SUMF1: variants seen among roughly 807,000 people sequenced by gnomAD.
The protein encoded by SUMF1 is formylglycine-generating enzyme.
Under a neutral mutation model 47.6 loss-of-function variants are expected in SUMF1, and 48 were observed. The ratio of observed to expected loss-of-function variants is 1.01; its 90% CI spans 0.80 to 1.28. SUMF1 has a LOEUF of 1.28. Among genes scored for constraint, SUMF1 ranks in the 50% most tolerant of loss-of-function variants. The pLI is 0.00. For synonymous variants in SUMF1, 230 were observed against 192.1 expected, an observed-to-expected ratio of 1.20 and a Z score of -1.63; for missense variants, 571 against 485.4, an observed-to-expected ratio of 1.18 and a Z score of -1.66.
intron 3 of SUMF1, among the ~76,000 whole-genome samples, chr3:4,434,485 A>G (rs1702334658): frequency 6.6e-6 from 1 of 152,250 alleles, no homozygotes; most frequent in African/African-American, 2.4e-5. Flanking sequence ...GCAACAGTAA[A>G]GGAAATTTAA....
intron 8 of SUMF1, among the ~76,000 whole-genome samples, chr3:4,366,544 C>T (rs551886299): frequency 4.5e-4 from 67 of 149,846 alleles, no homozygotes; most frequent in South Asian, 3.7e-3. Context: ...ACGTAGTTCT[C>T]GAGCCTTGGC....
In SUMF1 at chr3:4,302,521, G is replaced by A. The variant is rs184145366; in HGVS notation, c.1014+73809C>T. Among the ~76,000 whole-genome samples, 87 of 152,268 alleles carry A rather than the reference G, an allele frequency of 5.7e-4. 1 individual carries two copies. The highest frequency in any genetic ancestry group is 1.5e-3 in the African/African-American group (63 of 41,544). On this transcript the variant is annotated intron_variant and NMD_transcript_variant, in intron 8 of 12. Coordinates refer to the SUMF1 transcript ENST00000448413. Reference sequence around the variant, plus strand: ...ATGTTTCTTATCAGACTTAAGGTGTGTGTTGATGTTGATGCTGGCTGGCTT... The same window carrying A: ...ATGTTTCTTATCAGACTTAAGGTGTATGTTGATGTTGATGCTGGCTGGCTT...
intron 8 of SUMF1, among the ~76,000 whole-genome samples, chr3:4,351,987 G>T (rs536750526): frequency 6.6e-6 from 1 of 152,126 alleles, no homozygotes; most frequent in Non-Finnish European, 1.5e-5. Flanking sequence ...TAAGTGGTAG[G>T]AGAAGAATTT....
intron 7 of SUMF1, among the ~76,000 whole-genome samples, chr3:4,403,842 G>A (rs1359977008): frequency 1.3e-5 from 2 of 152,204 alleles, no homozygotes; most frequent in East Asian, 3.9e-4. Flanking sequence ...AGAGGTTAGA[G>A]GAGGTTTCCA....
intron 8 of SUMF1, among the ~76,000 whole-genome samples, chr3:4,072,102 C>G (rs1695541325): frequency 6.6e-6 from 1 of 152,098 alleles, no homozygotes; most frequent in Non-Finnish European, 1.5e-5. Context: ...AAGGATCAGG[C>G]AGCAATATTT....
At chr3:4,066,441 A>G (rs1340285463) in intron 9 of SUMF1, among the ~76,000 whole-genome samples, 1 of 152,168 alleles carries the variant, frequency 6.6e-6, no homozygotes, top group Non-Finnish European at 1.5e-5. Flanking sequence ...GAATAAACAT[A>G]GAAATTGGCC....
chr3:4,288,875 G>A (rs1483567238), intron 8 of SUMF1, among the ~76,000 whole-genome samples: 1 of 151,944 alleles, frequency 6.6e-6, no homozygotes, highest in Non-Finnish European at 1.5e-5. Flanking sequence ...GCCCCCAAAG[G>A]AAGATGGTTT....
chr3:4,176,793 C>T (rs775222969), intron 8 of SUMF1, among the ~76,000 whole-genome samples: 86 of 152,128 alleles, frequency 5.7e-4, no homozygotes, highest in Middle Eastern at 3.4e-3. Flanking sequence ...TCAGGAGACC[C>T]ATCTCATATG....
chr3:4,296,702 A>G (rs1201917656), intron 8 of SUMF1, among the ~76,000 whole-genome samples: 1 of 152,150 alleles, frequency 6.6e-6, no homozygotes, highest in Non-Finnish European at 1.5e-5. Context: ...ACAATTCAAG[A>G]TGAGATTTGG....
rs151194550 is a variant in SUMF1, at chr3:4,241,226, C to G, written c.1014+135104G>C. ...AACATTTCCACAGAGTGCAAAGGAT[C>G]TTCAACTTCTAAAACCCTGTGATAT... On this transcript the variant is annotated intron_variant and NMD_transcript_variant, in intron 8 of 12. Coordinates refer to the SUMF1 transcript ENST00000448413. Among the ~76,000 whole-genome samples the G allele has an allele frequency of 9.1e-4, 139 of 152,246 alleles. 1 individual carries two copies. Among genetic ancestry groups the G allele is most frequent in the Admixed American group, 5.4e-3 (82 of 15,276 alleles).
At chr3:4,263,757 T>C (rs1697133898) in intron 8 of SUMF1, among the ~76,000 whole-genome samples, 2 of 152,228 alleles carry the variant, frequency 1.3e-5, no homozygotes, top group Admixed American at 1.3e-4. Context: ...AGGCATATTA[T>C]GAATACTCCT....
chr3:4,449,222 A>G, intron 3 of SUMF1, 44 bp downstream of exon 3: 2 of 1,609,632 alleles, frequency 1.2e-6, no homozygotes, highest in Non-Finnish European at 1.7e-6. Context: ...ACCCTTTTCA[A>G]TGAGCCTTAG....
chr3:4,406,695 T>C (rs148148557), intron 7 of SUMF1, among the ~76,000 whole-genome samples: 1 of 150,712 alleles, frequency 6.6e-6, no homozygotes, highest in African/African-American at 2.4e-5. Flanking sequence ...AAAAGGAGAG[T>C]TCTTTCTCTG....
intron 8 of SUMF1, among the ~76,000 whole-genome samples, chr3:4,170,020 A>T (rs1694798186): frequency 6.6e-6 from 1 of 152,204 alleles, no homozygotes; most frequent in South Asian, 2.1e-4. Flanking sequence ...GGGAGAGGTG[A>T]GAATGGAATA....
intron 8 of SUMF1, among the ~76,000 whole-genome samples, chr3:4,367,160 G>T (rs1361536545): frequency 2.0e-5 from 3 of 152,044 alleles, no homozygotes; most frequent in Admixed American, 1.3e-4. Flanking sequence ...GGCTGCTCGG[G>T]GGTCAGGGGT....
At chr3:4,148,025 G>A (rs1052572951) in intron 8 of SUMF1, among the ~76,000 whole-genome samples, 1 of 151,860 alleles carries the variant, frequency 6.6e-6, no homozygotes, top group Non-Finnish European at 1.5e-5. Context: ...AGCTTCCTTT[G>A]GCACATTTTA....
intron 8 of SUMF1, among the ~76,000 whole-genome samples, chr3:4,100,452 T>A (rs1358599901): frequency 1.3e-5 from 2 of 151,994 alleles, no homozygotes; most frequent in Non-Finnish European, 2.9e-5. Context: ...GATGGTCTCG[T>A]CAATAAATTG....
At chr3:4,270,133 T>C (rs1286688478) in intron 8 of SUMF1, among the ~76,000 whole-genome samples, 1 of 152,020 alleles carries the variant, frequency 6.6e-6, no homozygotes, top group African/African-American at 2.4e-5. Flanking sequence ...ACGAAGAAAC[T>C]GGGGTCAGAG....
At chr3:4,245,327 T>C (rs1696637597) in intron 8 of SUMF1, among the ~76,000 whole-genome samples, 1 of 152,180 alleles carries the variant, frequency 6.6e-6, no homozygotes, top group Non-Finnish European at 1.5e-5. Context: ...TTCTGGTTTT[T>C]GAAATTTTAA....
Sources: gnomAD v4.1 joint callset for allele counts (sites outside exome capture counted in the v4.1 genomes callset) on GRCh38, gnomAD v4.1.1 for gene constraint, MANE v1.5 for transcripts, NCBI Gene and HGNC (gene_info 2026-07-23, HGNC 2026-07-21) for gene names.